RGS12: variants seen among roughly 807,000 people sequenced by gnomAD.
The protein encoded by RGS12 is regulator of G-protein signaling 12.
In RGS12, 66 loss-of-function variants were observed where a neutral mutation model predicts 120.1. The ratio of observed to expected loss-of-function variants is 0.55; its 90% CI spans 0.45 to 0.67. RGS12 has a LOEUF of 0.67. Ranked by LOEUF, RGS12 falls within the 30% of genes least tolerant of loss-of-function variation. The pLI, the probability that RGS12 is intolerant of heterozygous loss-of-function variation, is 0.00. For missense variants in RGS12, 1,859 were observed against 1,957.7 expected (o/e 0.95, Z 0.95); for synonymous variants, 827 against 804.7 (o/e 1.03, Z -0.47).
chr4:3,322,263 TGGGGAGGAGCAAGGAAG>T (rs1725254271), intron 2 of RGS12, among the ~76,000 whole-genome samples: 1 of 152,184 alleles, frequency 6.6e-6, no homozygotes, highest in African/African-American at 2.4e-5. Flanking sequence ...CTCCCTCCTC[TGGGGAGGAGCAAGGAAG>T]GGGAGCTGAG....
intron 3 of RGS12, among the ~76,000 whole-genome samples, chr4:3,383,201 G>A (rs765995252): frequency 2.6e-5 from 4 of 152,102 alleles, no homozygotes; most frequent in South Asian, 2.1e-4. Context: ...GGCTCACTGC[G>A]GGCTACCCGG....
At chr4:3,361,362 C>G (rs1038854139) in intron 3 of RGS12, among the ~76,000 whole-genome samples, 1 of 152,178 alleles carries the variant, frequency 6.6e-6, no homozygotes, top group Non-Finnish European at 1.5e-5. Context: ...CTGTTTTGTA[C>G]TCTTCTGAAT....
At chr4:3,344,981 A>G (rs999610120) in intron 3 of RGS12, among the ~76,000 whole-genome samples, 10 of 152,228 alleles carry the variant, frequency 6.6e-5, no homozygotes, top group African/African-American at 2.4e-4. Context: ...AATAACACGG[A>G]GGAAGGCTCT....
chr4:3,340,489 C>T (rs1046146204), intron 2 of RGS12, among the ~76,000 whole-genome samples: 1 of 152,316 alleles, frequency 6.6e-6, no homozygotes, highest in Admixed American at 6.5e-5. Flanking sequence ...GGCCATGAGG[C>T]GGGCGCCCGG....
At chr4:3,363,110 TGTGA>T (rs1472303469) in intron 3 of RGS12, among the ~76,000 whole-genome samples, 1 of 151,136 alleles carries the variant, frequency 6.6e-6, no homozygotes, top group Non-Finnish European at 1.5e-5. Flanking sequence ...TGAGTGTGTG[TGTGA>T]GAGTGCGCAT....
chr4:3,357,359 G>T (rs1714991953), intron 3 of RGS12, among the ~76,000 whole-genome samples: 1 of 151,916 alleles, frequency 6.6e-6, no homozygotes, highest in Admixed American at 6.6e-5. Context: ...ATTATCTTTG[G>T]TGTACAAAGT....
At chr4:3,411,572 G>A (rs985019492) in intron 4 of RGS12, among the ~76,000 whole-genome samples, 16 of 152,206 alleles carry the variant, frequency 1.1e-4, no homozygotes, top group African/African-American at 3.4e-4. Context: ...GGCAAGTATC[G>A]GCGTGATATG....
At chr4:3,364,716 T>G (rs943892065) in intron 3 of RGS12, among the ~76,000 whole-genome samples, 4 of 151,860 alleles carry the variant, frequency 2.6e-5, no homozygotes, top group Non-Finnish European at 5.9e-5. Flanking sequence ...ATATTTTAAG[T>G]GTGACAGAAG....
chr4:3,434,523 C>T (rs989324606), intron 17 of RGS12, among the ~76,000 whole-genome samples: 2 of 152,184 alleles, frequency 1.3e-5, no homozygotes, highest in South Asian at 2.1e-4. Context: ...CACAGGGACC[C>T]TCCAAAATGC....
At chr4:3,330,366 G>A (rs1289308207) in intron 2 of RGS12, among the ~76,000 whole-genome samples, 1 of 152,162 alleles carries the variant, frequency 6.6e-6, no homozygotes, top group Admixed American at 6.5e-5. Flanking sequence ...AAGTTTACAG[G>A]GAGATTTGAT....
At chr4:3,416,148 G>A (rs1210998771) in intron 7 of RGS12, 27 bp downstream of exon 7, 1 of 1,612,850 alleles carries the variant, frequency 6.2e-7, no homozygotes, top group African/African-American at 1.3e-5. Context: ...GGAGCTTGTG[G>A]GGAGTCCAGG....
intron 13 of RGS12, among the ~76,000 whole-genome samples, chr4:3,424,740 G>A (rs574314540): frequency 1.3e-5 from 2 of 152,336 alleles, no homozygotes; most frequent in East Asian, 3.9e-4. Flanking sequence ...CTTTTCCTTG[G>A]ACGCTGTCTC....
At position 3,439,621 on chromosome 4, in the gene RGS12, G is replaced by A; in HGVS notation, c.4281G>A (p.Leu1427=). The stretch of plus-strand genomic sequence containing the variant: ...CTCCTACATCAGACCTCCCTGGCTT[G>A]GGCCCCGTCCCGGGTGAGCCTGCTA... ...GGPPTSDLPG[L]GPVPGEPAKP... Residue 1427 remains leucine, a synonymous_variant, in exon 18 of 18, where the codon TTG becomes TTA. Coordinates refer to ENST00000336727, the MANE Select transcript of RGS12 (RefSeq NM_001394154.1). 1 of 1,602,562 alleles carries A rather than the reference G, an allele frequency of 6.2e-7. No homozygotes were observed. The highest frequency in any genetic ancestry group is 8.5e-7 in the Non-Finnish European group (1 of 1,174,318).
intron 17 of RGS12, among the ~76,000 whole-genome samples, chr4:3,432,613 G>A (rs896805420): frequency 3.3e-5 from 5 of 152,246 alleles, no homozygotes; most frequent in African/African-American, 1.2e-4. Context: ...TACAGCGCAG[G>A]CCCAGCTGAG....
intron 1 of RGS12, among the ~76,000 whole-genome samples, chr4:3,295,976 C>T (rs1723358237): frequency 6.6e-6 from 1 of 152,198 alleles, no homozygotes; most frequent in Admixed American, 6.5e-5. Context: ...CGTCAGCTGG[C>T]CAAGCTCCCT....
intron 1 of RGS12, among the ~76,000 whole-genome samples, chr4:3,301,629 CG>C (rs1184431517): frequency 7.9e-6 from 1 of 126,732 alleles, no homozygotes; most frequent in Non-Finnish European, 1.7e-5. Flanking sequence ...GTCCGAGGGC[CG>C]GGGATGGACA....
At chr4:3,362,697 GTGTGTGTGAGGC>G (rs1715773991) in intron 3 of RGS12, among the ~76,000 whole-genome samples, 1 of 146,606 alleles carries the variant, frequency 6.8e-6, no homozygotes. Flanking sequence ...GTGTGTGAGG[GTGTGTGTGAGGC>G]TGTGTGAGGG....
chr4:3,298,406 A>G (rs1276706105), intron 1 of RGS12, among the ~76,000 whole-genome samples: 2 of 152,050 alleles, frequency 1.3e-5, no homozygotes, highest in African/African-American at 4.8e-5. Context: ...GCTGGAGTGC[A>G]GTGGTGCAGT....
chr4:3,335,497 C>A (rs553962900), intron 2 of RGS12, among the ~76,000 whole-genome samples: 1 of 152,212 alleles, frequency 6.6e-6, no homozygotes, highest in Non-Finnish European at 1.5e-5. Context: ...CTGCTCACAG[C>A]TGCATCCCTG....
Sources: gnomAD v4.1 joint callset for allele counts (sites outside exome capture counted in the v4.1 genomes callset) on GRCh38, gnomAD v4.1.1 for gene constraint, MANE v1.5 for transcripts, NCBI Gene and HGNC (gene_info 2026-07-23, HGNC 2026-07-21) for gene names.